RICTOR: variants seen among roughly 807,000 people sequenced by gnomAD.
RICTOR encodes the protein RPTOR independent companion of MTOR complex 2, also known as rapamycin-insensitive companion of mTOR.
RICTOR carries 49 observed loss-of-function variants against 214.9 expected under a neutral mutation model. That is an observed-to-expected ratio of 0.23 (90% CI 0.18 to 0.29). The LOEUF (loss-of-function observed/expected upper bound fraction) is 0.29. Ranked by LOEUF, RICTOR falls within the 10% of genes least tolerant of loss-of-function variation. The pLI is 1.00. For synonymous variants in RICTOR, 717 were observed against 711.3 expected (o/e 1.01, Z -0.13); for missense variants, 1,625 against 2,047.0 (o/e 0.79, Z 3.98).
chr5:38,984,625 T>TA (rs1364030557), intron 7 of RICTOR, among the ~76,000 whole-genome samples: 2 of 152,130 alleles, frequency 1.3e-5, no homozygotes, highest in African/African-American at 4.8e-5. Flanking sequence ...GTGGTCTTTT[T>TA]AAAAAATCCT....
At chr5:38,954,147 T>C (rs879616268) in intron 27 of RICTOR, among the ~76,000 whole-genome samples, 2 of 151,944 alleles carry the variant, frequency 1.3e-5, no homozygotes, top group African/African-American at 2.4e-5. Context: ...GGGAACTAAA[T>C]TGTTAAATAA....
rs200337712 is a variant in RICTOR, at chr5:38,955,640, C to T, written c.2564G>A (p.Arg855Gln). ...EQLNEALTTY[R>Q]KPVDGDNYVR... ...ATAGTTATCACCATCAACAGGCTTC[C>T]GGTAAGTAGTAAGTGCTTCATTGAG... Residue 855 changes from arginine to glutamine, a missense_variant, in exon 26 of 38, where the codon CGG (arginine) becomes CAG (glutamine). This residue lies in a region of RICTOR where 1,214 missense variants were observed against 1,470.5 expected (regional missense o/e 0.83). Coordinates refer to ENST00000357387, the MANE Select transcript of RICTOR (RefSeq NM_152756.5). 1.3e-4 allele frequency: 209 copies of T among 1,610,940 alleles called. 1 individual carries two copies. The East Asian group carries it at 2.8e-3, about 21-fold the overall frequency.
chr5:38,964,202 T>C (rs984301634), intron 16 of RICTOR, among the ~76,000 whole-genome samples: 2 of 151,894 alleles, frequency 1.3e-5, no homozygotes, highest in Admixed American at 1.3e-4. Flanking sequence ...ACTAAGTTCC[T>C]TCTAGCACTT....
intron 2 of RICTOR, among the ~76,000 whole-genome samples, chr5:39,073,346 T>C (rs1409944983): frequency 6.6e-6 from 1 of 152,204 alleles, no homozygotes; most frequent in Non-Finnish European, 1.5e-5. Context: ...CTGTAAGTGA[T>C]AGAGGAAACA....
chr5:38,969,265 C>T (rs1750523506), intron 11 of RICTOR, among the ~76,000 whole-genome samples: 3 of 151,696 alleles, frequency 2.0e-5, no homozygotes, highest in African/African-American at 7.3e-5. Flanking sequence ...AGCCACCGCA[C>T]CTGGCCTGTG....
Position 39,013,919 on chromosome 5 carries a change from A to G in RICTOR, c.195+7120T>C, listed in dbSNP as rs976222169. ...ATATACATCTACAGTCATGCACTGC[A>G]TAACAACTTTTCAGTCAATGATGGA... is the stretch of plus-strand genomic sequence containing the variant. On this transcript the variant is annotated intron_variant, in intron 3 of 37. Transcript: ENST00000357387. 2.0e-5 allele frequency among the ~76,000 whole-genome samples: 3 copies of G among 152,170 alleles called. No homozygotes were observed. The South Asian group carries it at 6.2e-4, about 31-fold the overall frequency.
chr5:39,040,323 G>T (rs1482141806), intron 2 of RICTOR, among the ~76,000 whole-genome samples: 1 of 124,056 alleles, frequency 8.1e-6, no homozygotes, highest in Non-Finnish European at 1.7e-5. Flanking sequence ...GTTGAGGGGT[G>T]GGGGGAGGGG....
chr5:39,020,724 C>T (rs896935815), intron 3 of RICTOR, among the ~76,000 whole-genome samples: 1 of 152,104 alleles, frequency 6.6e-6, no homozygotes, highest in African/African-American at 2.4e-5. Flanking sequence ...ATGCCTGTAC[C>T]ATATATTATC....
chr5:38,999,912 A>C (rs1753487776), intron 5 of RICTOR, among the ~76,000 whole-genome samples: 1 of 151,978 alleles, frequency 6.6e-6, no homozygotes, highest in African/African-American at 2.4e-5. Flanking sequence ...CAAAAAAAGA[A>C]AGTAAAAGGA....
chr5:39,014,509 A>C (rs1268068404), intron 3 of RICTOR, among the ~76,000 whole-genome samples: 1 of 152,080 alleles, frequency 6.6e-6, no homozygotes, highest in East Asian at 1.9e-4. Context: ...TAATACCTTA[A>C]AGTTTTTAAA....
chr5:38,964,363 A>T (rs1050029703), intron 16 of RICTOR, among the ~76,000 whole-genome samples: 10 of 151,866 alleles, frequency 6.6e-5, no homozygotes, highest in Admixed American at 6.6e-4. Flanking sequence ...GCTTATTGCT[A>T]TGTGGCCCAG....
intron 4 of RICTOR, among the ~76,000 whole-genome samples, 195 bp from the exon 5 acceptor site, chr5:39,002,861 G>A (rs1753745291): frequency 6.6e-6 from 1 of 151,908 alleles, no homozygotes; most frequent in Non-Finnish European, 1.5e-5. Flanking sequence ...TTTTAAATCT[G>A]TGCCTCCTTA....
chr5:38,945,953 TAATAC>T (rs1269762381), intron 33 of RICTOR, among the ~76,000 whole-genome samples: 1 of 152,186 alleles, frequency 6.6e-6, no homozygotes, highest in East Asian at 1.9e-4. Context: ...TGAGATTATA[TAATAC>T]ATCATTTCAA....
chr5:38,958,027 A>G (rs937180196), intron 24 of RICTOR, among the ~76,000 whole-genome samples: 4 of 152,036 alleles, frequency 2.6e-5, no homozygotes, highest in African/African-American at 9.7e-5. Flanking sequence ...CACCTGGTCA[A>G]GAGTTCAAGA....
chr5:38,974,619 TA>T (rs1751056153), intron 10 of RICTOR, among the ~76,000 whole-genome samples: 2 of 152,202 alleles, frequency 1.3e-5, no homozygotes, highest in African/African-American at 4.8e-5. Flanking sequence ...ATGAAGTATT[TA>T]AAAAAAGTAT....
Position 38,966,675 on chromosome 5 carries a change from C to G in RICTOR, c.1265G>C (p.Arg422Thr). 4 of 1,595,086 alleles carry G rather than the reference C, an allele frequency of 2.5e-6. No homozygotes were observed. The highest frequency in any genetic ancestry group is 3.4e-6 in the Non-Finnish European group (4 of 1,165,040). ...ITNSDDHISV[R>T]ATILLGELLH... The stretch of plus-strand genomic sequence containing the variant: ...AAGCTCTCCTAAAAGGATGGTAGCT[C>G]TAACTGAGATATGATCATCACTGTT... Residue 422 changes from arginine to threonine, a missense_variant, in exon 15 of 38, where the codon AGA becomes ACA. Arg to Thr is a moderately conservative substitution (Grantham distance 71). Transcript: ENST00000357387.
chr5:38,978,655 T>TA lies in RICTOR; in HGVS notation c.754-6_754-5insT, dbSNP rs1460890634. The TA allele has an allele frequency of 1.3e-5, 19 of 1,452,878 alleles. No homozygotes were observed. The highest frequency in any genetic ancestry group is 1.5e-5 in the Non-Finnish European group (16 of 1,051,366). 90.0% of individuals were successfully genotyped at this position (1,452,878 alleles called of 1,614,324 possible). A position where few individuals can be genotyped will look rare whatever the true frequency, so the allele number is the denominator to read the frequency against. On this transcript the variant is annotated splice_polypyrimidine_tract_variant and splice_region_variant and intron_variant, in intron 8 of 37. Transcript: ENST00000357387. Reference sequence around the variant, plus strand: ...AGTATAGGGTGCTAAAATTCTCTATTTAAAAAAAAAAAGGAAGAAAAGAGT... The same window carrying TA: ...AGTATAGGGTGCTAAAATTCTCTATTATAAAAAAAAAAAGGAAGAAAAGAGT...
intron 7 of RICTOR, among the ~76,000 whole-genome samples, chr5:38,987,980 G>A (rs1242790825): frequency 1.3e-5 from 2 of 152,158 alleles, no homozygotes; most frequent in Non-Finnish European, 2.9e-5. Context: ...AGTCATTAAG[G>A]AGCAGGTTGT....
chr5:38,956,091 T>G (rs1350075901), intron 25 of RICTOR, among the ~76,000 whole-genome samples: 2 of 152,094 alleles, frequency 1.3e-5, no homozygotes, highest in Non-Finnish European at 2.9e-5. Flanking sequence ...TCTTATTTAC[T>G]GTATCCAATC....
Sources: allele counts gnomAD v4.1 joint callset (sites outside exome capture counted in the v4.1 genomes callset), GRCh38; gene constraint gnomAD v4.1.1; regional missense constraint gnomAD v4.1.1; transcripts MANE v1.5; gene names NCBI Gene and HGNC (gene_info 2026-07-23, HGNC 2026-07-21).